MAP3K13: variants seen among roughly 807,000 people sequenced by gnomAD.
MAP3K13 encodes the protein mitogen-activated protein kinase kinase kinase 13, also known as leucine zipper-bearing kinase.
In MAP3K13, 52 loss-of-function variants were observed where a neutral mutation model predicts 104.0. The ratio of observed to expected loss-of-function variants is 0.50; its 90% CI spans 0.40 to 0.63. MAP3K13 has a LOEUF of 0.63. Ranked by LOEUF, MAP3K13 falls within the 20% of genes least tolerant of loss-of-function variation. The pLI is 0.00. For synonymous variants in MAP3K13, 394 were observed against 442.2 expected, an observed-to-expected ratio of 0.89 and a Z score of 1.37; for missense variants, 914 against 1,218.5, an observed-to-expected ratio of 0.75 and a Z score of 3.72.
At chr3:185,415,403 C>T (rs1426902640) in intron 1 of MAP3K13, among the ~76,000 whole-genome samples, 1 of 151,882 alleles carries the variant, frequency 6.6e-6, no homozygotes, top group Non-Finnish European at 1.5e-5. Context: ...AGTGATCTAC[C>T]TGCTTCAGCC....
At chr3:185,300,561 G>A (rs570430228) in intron 2 of MAP3K13, among the ~76,000 whole-genome samples, 28 of 151,196 alleles carry the variant, frequency 1.9e-4, no homozygotes, top group African/African-American at 6.1e-4. Flanking sequence ...GCGCCATCTC[G>A]GCTCACTGCA....
At chr3:185,321,009 G>A (rs1180599430) in intron 2 of MAP3K13, among the ~76,000 whole-genome samples, 1 of 141,432 alleles carries the variant, frequency 7.1e-6, no homozygotes, top group Non-Finnish European at 1.5e-5. Context: ...ATACATGCAT[G>A]TATATATACA....
chr3:185,362,136 T>C (rs183211348), upstream of MAP3K13, among the ~76,000 whole-genome samples: 2 of 152,352 alleles, frequency 1.3e-5, no homozygotes, highest in East Asian at 3.9e-4. Context: ...TGAGGCTTTA[T>C]ATTAACCACG....
chr3:185,456,596 C>CTT (rs35547697), intron 7 of MAP3K13, among the ~76,000 whole-genome samples: 3,884 of 107,912 alleles, frequency 0.036, 280 homozygotes, highest in Middle Eastern at 0.059. Flanking sequence ...TTTGCTTCTC[C>CTT]TTTTTTTTTT....
At chr3:185,304,783 G>A (rs1442785643) in intron 2 of MAP3K13, among the ~76,000 whole-genome samples, 1 of 151,974 alleles carries the variant, frequency 6.6e-6, no homozygotes, top group East Asian at 1.9e-4. Context: ...ACAGACATGC[G>A]CCACCATGCC....
rs1032077565 is a variant in MAP3K13, at chr3:185,417,447, A to G, written c.-85-11050A>G. On this transcript the variant is annotated intron_variant, in intron 1 of 13. Transcript: ENST00000265026. ...TATAATCAGGTCTTTATTCAAAAGA[A>G]GCTGTCCAAAATGATTTGACCTTTA... The G allele has an allele frequency of 2.3e-5, 35 of 1,501,940 alleles. No individual in the cohort carries two copies. In the African/African-American group the frequency reaches 4.6e-4, roughly 20 times the overall value. The allele number at this position is 1,501,940 out of a possible 1,614,324, so 93.0% of individuals were successfully genotyped here. A position where few individuals can be genotyped will look rare whatever the true frequency, so the allele number is the denominator to read the frequency against.
chr3:185,468,771 T>A (rs1017885734), intron 10 of MAP3K13, among the ~76,000 whole-genome samples: 9 of 152,210 alleles, frequency 5.9e-5, no homozygotes, highest in Non-Finnish European at 1.2e-4. Context: ...TCTGAGAAAC[T>A]TTTTTCAGAT....
At chr3:185,288,089 A>G (rs1381606988) in intron 2 of MAP3K13, among the ~76,000 whole-genome samples, 2 of 152,190 alleles carry the variant, frequency 1.3e-5, no homozygotes, top group Admixed American at 6.5e-5. Context: ...CTTGGGATTA[A>G]TCACTATCAT....
At chr3:185,302,833 T>G (rs1163972795) in intron 2 of MAP3K13, among the ~76,000 whole-genome samples, 3 of 152,198 alleles carry the variant, frequency 2.0e-5, no homozygotes, top group African/African-American at 7.2e-5. Context: ...TATTTCTTTT[T>G]CTTGTATAAT....
chr3:185,427,064 T>C (rs1049914102), intron 1 of MAP3K13, among the ~76,000 whole-genome samples: 10 of 152,164 alleles, frequency 6.6e-5, no homozygotes, highest in African/African-American at 1.7e-4. Flanking sequence ...GATAAGAACA[T>C]ACTTTGGGCT....
At chr3:185,377,433 A>G (rs1418761883) in intron 1 of MAP3K13, among the ~76,000 whole-genome samples, 1 of 152,092 alleles carries the variant, frequency 6.6e-6, no homozygotes, top group East Asian at 1.9e-4. Flanking sequence ...GAGGCTTTGA[A>G]CTGGAGAAAA....
chr3:185,293,005 A>G (rs965071781), intron 2 of MAP3K13: 49 of 985,160 alleles, frequency 5.0e-5, no homozygotes, highest in Non-Finnish European at 5.7e-5. Flanking sequence ...TGTTTTAGTT[A>G]TATGTACAAA....
At chr3:185,293,667 C>T (rs1720823353) in intron 2 of MAP3K13, among the ~76,000 whole-genome samples, 1 of 152,126 alleles carries the variant, frequency 6.6e-6, no homozygotes, top group South Asian at 2.1e-4. Context: ...TCAAGCGATC[C>T]ACCCGCCTTG....
chr3:185,411,781 C>CTTTTTT (rs67723912), intron 1 of MAP3K13, among the ~76,000 whole-genome samples: 1 of 94,058 alleles, frequency 1.1e-5, no homozygotes, highest in African/African-American at 4.1e-5. Flanking sequence ...GCAGTTATGT[C>CTTTTTT]TTTTTTTTTT....
At chr3:185,379,615 T>C (rs1724608103) in intron 1 of MAP3K13, among the ~76,000 whole-genome samples, 1 of 152,210 alleles carries the variant, frequency 6.6e-6, no homozygotes, top group Admixed American at 6.5e-5. Context: ...CTCACGTGTC[T>C]GTGTGAAGAG....
intron 3 of MAP3K13, among the ~76,000 whole-genome samples, chr3:185,442,835 AATT>A (rs1290984412): frequency 1.3e-5 from 2 of 150,762 alleles, no homozygotes; most frequent in African/African-American, 4.9e-5. Flanking sequence ...GGCCTGGCCA[AATT>A]ATTATTATTT....
At position 185,428,921 on chromosome 3, in the gene MAP3K13, G is replaced by A. The variant is rs2108802407; in HGVS notation, c.340G>A (p.Glu114Lys). Reference sequence around the variant, plus strand: ...GGACGGAGAGAGCACAAGCGGAACTGAAGACATAAAGATTCAGTTCAGCAG... The same window carrying A: ...GGACGGAGAGAGCACAAGCGGAACTAAAGACATAAAGATTCAGTTCAGCAG... ...TVDGESTSGT[E>K]DIKIQFSRSG... Residue 114 changes from glutamate (E) to lysine (K), a missense_variant, in exon 2 of 14, where the codon GAA (glutamate) becomes AAA (lysine). Physicochemically the swap from Glu to Lys is moderately conservative, Grantham distance 56. This residue lies in a region of MAP3K13 where 156 missense variants were observed against 159.8 expected (regional missense o/e 0.98). Transcript: ENST00000265026. The A allele has an allele frequency of 6.2e-7, 1 of 1,614,188 alleles. No individual in the cohort carries two copies. The highest frequency in any genetic ancestry group is 8.5e-7 in the Non-Finnish European group (1 of 1,180,030).
chr3:185,384,390 C>T (rs1373590593), intron 1 of MAP3K13, among the ~76,000 whole-genome samples: 1 of 149,514 alleles, frequency 6.7e-6, no homozygotes, highest in East Asian at 2.0e-4. Context: ...GAGTTGATTC[C>T]ATATCTTGAT....
intron 8 of MAP3K13, among the ~76,000 whole-genome samples, chr3:185,465,342 C>T (rs921548118): frequency 2.6e-5 from 4 of 152,162 alleles, no homozygotes; most frequent in Non-Finnish European, 4.4e-5. Flanking sequence ...GGGGCACAAA[C>T]ATTCAGACCA....
Sources: gnomAD v4.1 joint callset for allele counts (sites outside exome capture counted in the v4.1 genomes callset) on GRCh38, gnomAD v4.1.1 for gene constraint, gnomAD v4.1.1 regional missense constraint, MANE v1.5 for transcripts, NCBI Gene and HGNC (gene_info 2026-07-23, HGNC 2026-07-21) for gene names.